The following TENM4 variants were observed in gnomAD, a reference collection of about 807,000 sequenced individuals.
The protein encoded by TENM4 is teneurin-4.
TENM4 carries 82 observed loss-of-function variants against 243.3 expected under a neutral mutation model. That is an observed-to-expected ratio of 0.34 (90% CI 0.28 to 0.40). The LOEUF (loss-of-function observed/expected upper bound fraction) is 0.40, where lower values mean the gene tolerates loss of function less well. Among genes scored for constraint, TENM4 ranks in the 10% least tolerant of loss-of-function variants. The probability of loss-of-function intolerance (pLI) is 1.00; values close to 1 mark genes in which losing one functional copy is unlikely to be tolerated. For missense variants in TENM4, 3,138 were observed against 3,673.3 expected (o/e 0.85, Z 3.77); for synonymous variants, 1,412 against 1,456.3 (o/e 0.97, Z 0.69).
intron 2 of TENM4, among the ~76,000 whole-genome samples, chr11:79,235,115 C>T (rs1242836132): frequency 1.3e-5 from 2 of 152,020 alleles, no homozygotes; most frequent in Non-Finnish European, 2.9e-5. Context: ...AGATAGAGAC[C>T]ATCCTGGCTA....
intron 6 of TENM4, among the ~76,000 whole-genome samples, chr11:78,941,161 A>G (rs114018406): frequency 0.013 from 1,998 of 152,310 alleles, 57 homozygotes; most frequent in African/African-American, 0.046. Context: ...TGGGCTTGAC[A>G]CTTGCTAGCT....
At chr11:79,150,743 C>G (rs114220119) in intron 3 of TENM4, among the ~76,000 whole-genome samples, 1 of 152,134 alleles carries the variant, frequency 6.6e-6, no homozygotes, top group Admixed American at 6.6e-5. Context: ...TCTTTCCCCC[C>G]AAGGACTTTC....
chr11:79,111,836 G>A (rs1244346599), intron 4 of TENM4, among the ~76,000 whole-genome samples: 1 of 152,138 alleles, frequency 6.6e-6, no homozygotes, highest in Non-Finnish European at 1.5e-5. Context: ...GGTGGGAGGG[G>A]GGTGGTCAAG....
At chr11:79,219,648 A>C (rs1028162116) in intron 2 of TENM4, among the ~76,000 whole-genome samples, 4 of 152,214 alleles carry the variant, frequency 2.6e-5, no homozygotes, top group Admixed American at 1.3e-4. Context: ...GACAAGATCC[A>C]AACCCTGTTC....
intron 1 of TENM4, among the ~76,000 whole-genome samples, chr11:79,343,353 C>T (rs1857273171): frequency 6.6e-6 from 1 of 152,172 alleles, no homozygotes; most frequent in Admixed American, 6.5e-5. Flanking sequence ...GCAGCTTGGC[C>T]TACGGTTTCA....
intron 6 of TENM4, among the ~76,000 whole-genome samples, chr11:78,931,857 G>A (rs1193155017): frequency 6.6e-6 from 1 of 152,192 alleles, no homozygotes; most frequent in Non-Finnish European, 1.5e-5. Flanking sequence ...ACCAGCTGCG[G>A]TGGTACATGC....
intron 3 of TENM4, among the ~76,000 whole-genome samples, chr11:79,166,019 C>G (rs1862905881): frequency 6.6e-6 from 1 of 152,110 alleles, no homozygotes; most frequent in African/African-American, 2.4e-5. Flanking sequence ...CTAACTTTTT[C>G]TCTGACACCA....
chr11:79,165,871 C>T (rs1045777075), intron 3 of TENM4, among the ~76,000 whole-genome samples: 15 of 152,158 alleles, frequency 9.9e-5, no homozygotes, highest in Non-Finnish European at 1.8e-4. Flanking sequence ...TGACAATTAT[C>T]CAAGTACCAT....
At chr11:78,883,065 A>C (rs1404216936) in intron 9 of TENM4, among the ~76,000 whole-genome samples, 2 of 152,228 alleles carry the variant, frequency 1.3e-5, no homozygotes, top group Non-Finnish European at 2.9e-5. Context: ...ATAGAAATAC[A>C]GACTAGGAAG....
intron 6 of TENM4, among the ~76,000 whole-genome samples, chr11:78,909,265 T>C (rs1243320942): frequency 1.3e-5 from 2 of 152,240 alleles, no homozygotes; most frequent in Admixed American, 1.3e-4. Context: ...CATCATCGCA[T>C]ACATTAGTTA....
intron 1 of TENM4, among the ~76,000 whole-genome samples, chr11:79,408,364 C>A (rs576636866): frequency 1.3e-5 from 2 of 152,198 alleles, no homozygotes; most frequent in Admixed American, 6.5e-5. Context: ...CTTAGAGAAA[C>A]GCCAGGTTAT....
At chr11:78,731,106 C>T (rs140662622) in intron 21 of TENM4, among the ~76,000 whole-genome samples, 2 of 152,190 alleles carry the variant, frequency 1.3e-5, no homozygotes, top group African/African-American at 2.4e-5. Context: ...CCTAACTGAA[C>T]GTGCAGGCAC....
chr11:79,281,368 A>G (rs747574297), intron 2 of TENM4, among the ~76,000 whole-genome samples: 38 of 152,204 alleles, frequency 2.5e-4, no homozygotes, highest in Non-Finnish European at 4.4e-5. Flanking sequence ...GTAGCTCCCA[A>G]CATTGATAGT....
intron 6 of TENM4, among the ~76,000 whole-genome samples, chr11:79,057,547 C>G (rs1296567293): frequency 6.6e-6 from 1 of 152,222 alleles, no homozygotes; most frequent in Non-Finnish European, 1.5e-5. Flanking sequence ...TGGGGACTTA[C>G]TGTCCCCCTT....
chr11:78,783,769 T>C (rs1165209126), intron 16 of TENM4, among the ~76,000 whole-genome samples: 1 of 152,210 alleles, frequency 6.6e-6, no homozygotes, highest in Non-Finnish European at 1.5e-5. Context: ...AACCAACCTC[T>C]CTTGAGAAGA....
intron 3 of TENM4, among the ~76,000 whole-genome samples, chr11:79,199,355 G>A (rs1863696182): frequency 6.6e-6 from 1 of 152,164 alleles, no homozygotes; most frequent in South Asian, 2.1e-4. Flanking sequence ...TTACTATTAT[G>A]TGCTAGGCAT....
chr11:78,899,560 G>C (rs648901), intron 7 of TENM4, among the ~76,000 whole-genome samples: 27,800 of 80,660 alleles, frequency 0.34, 4,466 homozygotes, highest in African/African-American at 0.48. Context: ...CTCAAAAAGC[G>C]GGGGGGGGGG....
At chr11:78,997,921 T>C (rs1858217027) in intron 6 of TENM4, among the ~76,000 whole-genome samples, 1 of 151,930 alleles carries the variant, frequency 6.6e-6, no homozygotes, top group African/African-American at 2.4e-5. Flanking sequence ...AAAAGAGAAG[T>C]CTTCTCTCTC....
intron 6 of TENM4, among the ~76,000 whole-genome samples, chr11:78,947,421 G>A (rs1393684490): frequency 6.6e-6 from 1 of 152,158 alleles, no homozygotes; most frequent in Non-Finnish European, 1.5e-5. Context: ...CTTGAGGTAG[G>A]GAGTGAGGTG....
Sources: allele counts gnomAD v4.1 joint callset (sites outside exome capture counted in the v4.1 genomes callset), GRCh38; gene constraint gnomAD v4.1.1; transcripts MANE v1.5; gene names NCBI Gene and HGNC (gene_info 2026-07-23, HGNC 2026-07-21).